The following AGO3 variants were observed in gnomAD, a reference collection of about 807,000 sequenced individuals.
AGO3 encodes argonaute RISC catalytic component 3.
Under a neutral mutation model 105.5 loss-of-function variants are expected in AGO3, and 16 were observed. That is an observed-to-expected ratio of 0.15 (90% CI 0.10 to 0.23). The LOEUF (loss-of-function observed/expected upper bound fraction) is 0.23. AGO3 is among the 10% of genes least tolerant of loss of function. AGO3 has a pLI of 1.00. For missense variants in AGO3, 534 were observed against 1,088.0 expected, an observed-to-expected ratio of 0.49 and a Z score of 7.16; for synonymous variants, 340 against 367.3, an observed-to-expected ratio of 0.93 and a Z score of 0.85.
Position 36,070,525 on chromosome 1 carries a change from T to C in AGO3, c.*14780T>C, listed in dbSNP as rs566757056. The stretch of plus-strand genomic sequence containing the variant: ...ACTGCAGGGAGTGTAAACAATTCTT[T>C]GTTGCAACAGACAAGATTTTTTTTA... On this transcript the variant is annotated 3_prime_UTR_variant, in exon 19 of 19. Transcript: ENST00000373191. The C allele has an allele frequency of 2.6e-5, 4 of 152,318 alleles. No homozygotes were observed. The highest frequency in any genetic ancestry group is 9.6e-5 in the African/African-American group (4 of 41,574). 9.4% of individuals were successfully genotyped at this position (152,318 alleles called of 1,614,324 possible).
Position 36,037,381 on chromosome 1 carries a change from C to T in AGO3, c.1842+1114C>T, listed in dbSNP as rs535560721. On this transcript the variant is annotated intron_variant, in intron 14 of 18. Coordinates refer to ENST00000373191, the MANE Select transcript of AGO3 (RefSeq NM_024852.4). Reference sequence around the variant, plus strand: ...TATAAAAAATACGAAATTAGCCTGTCGTGGTGGTGGGTGCCTTTAATTCCA... The same window carrying T: ...TATAAAAAATACGAAATTAGCCTGTTGTGGTGGTGGGTGCCTTTAATTCCA... 8.5e-5 allele frequency among the ~76,000 whole-genome samples: 13 copies of T among 152,078 alleles called. No individual in the cohort carries two copies. In the South Asian group the frequency reaches 1.0e-3, roughly 12 times the overall value.
At chr1:36,039,511 AAAAAAG>A (rs1642159873) in intron 14 of AGO3, among the ~76,000 whole-genome samples, 1 of 147,864 alleles carries the variant, frequency 6.8e-6, no homozygotes, top group East Asian at 1.9e-4. Flanking sequence ...AAAAAAAAAA[AAAAAAG>A]AGAGAAAGAG....
At chr1:36,025,486 C>A (rs960068852) in intron 11 of AGO3, among the ~76,000 whole-genome samples, 1 of 149,052 alleles carries the variant, frequency 6.7e-6, no homozygotes, top group African/African-American at 2.5e-5. Flanking sequence ...ATTTGTTATT[C>A]GCAGCTTGAA....
At chr1:35,980,716 T>C (rs561351003) in intron 5 of AGO3, among the ~76,000 whole-genome samples, 199 of 152,326 alleles carry the variant, frequency 1.3e-3, no homozygotes, top group African/African-American at 4.7e-3. Flanking sequence ...CAGCTTGATT[T>C]TATTTTTCTT....
rs954179432 is a variant in AGO3 at position 35,995,078 on chromosome 1, G to A, written c.659-9263G>A. ...TAGCCGGGCATGGTGGCGTGTGCCT[G>A]TGGTCCCGGCTACTCGGGAGGCTGA... is the stretch of plus-strand genomic sequence containing the variant. On this transcript the variant is annotated intron_variant, in intron 5 of 18. Transcript: ENST00000373191. 2.0e-5 allele frequency among the ~76,000 whole-genome samples: 3 copies of A among 151,630 alleles called. No individual in the cohort carries two copies. In the East Asian group the frequency reaches 5.8e-4, roughly 29 times the overall value.
chr1:35,958,996 A>G (rs1646626677), intron 2 of AGO3, among the ~76,000 whole-genome samples: 1 of 152,114 alleles, frequency 6.6e-6, no homozygotes, highest in African/African-American at 2.4e-5. Context: ...CTAGAATAAT[A>G]TTTTTCATTC....
chr1:35,960,100 T>C (rs1411228539), intron 2 of AGO3, among the ~76,000 whole-genome samples: 2 of 152,134 alleles, frequency 1.3e-5, no homozygotes, highest in African/African-American at 2.4e-5. Flanking sequence ...TAAAGGTTTC[T>C]CAGGTTGGTA....
chr1:36,038,408 G>A (rs1344557315), intron 14 of AGO3, among the ~76,000 whole-genome samples: 1 of 151,824 alleles, frequency 6.6e-6, no homozygotes, highest in Non-Finnish European at 1.5e-5. Context: ...GGTGCACGCT[G>A]ACACACCCGG....
chr1:36,013,230 C>T (rs1640709754), intron 9 of AGO3, among the ~76,000 whole-genome samples: 6 of 152,116 alleles, frequency 3.9e-5, no homozygotes, highest in Admixed American at 2.0e-4. Flanking sequence ...TGAGCCACCA[C>T]GCCCAGCCTA....
intron 3 of AGO3, among the ~76,000 whole-genome samples, chr1:35,967,729 T>C (rs1213457035): frequency 6.6e-6 from 1 of 152,202 alleles, no homozygotes; most frequent in Non-Finnish European, 1.5e-5. Flanking sequence ...TTTAATACTT[T>C]AATGTATATT....
intron 17 of AGO3, among the ~76,000 whole-genome samples, chr1:36,052,282 A>T (rs993664115): frequency 2.0e-5 from 3 of 152,234 alleles, no homozygotes; most frequent in African/African-American, 7.2e-5. Context: ...AGTCTGGAGG[A>T]CATTATGTTA....
At chr1:35,996,985 A>G (rs562949625) in intron 5 of AGO3, among the ~76,000 whole-genome samples, 2 of 152,298 alleles carry the variant, frequency 1.3e-5, no homozygotes, top group East Asian at 3.9e-4. Context: ...TACTTTGAAA[A>G]ATAGTTTGGC....
chr1:35,983,839 A>G (rs1647106583), intron 5 of AGO3, among the ~76,000 whole-genome samples: 2 of 152,200 alleles, frequency 1.3e-5, no homozygotes, highest in Non-Finnish European at 2.9e-5. Flanking sequence ...TACACCATGT[A>G]TCAATGTTAA....
chr1:35,997,449 T>G (rs1639881267), intron 5 of AGO3, among the ~76,000 whole-genome samples: 1 of 152,198 alleles, frequency 6.6e-6, no homozygotes, highest in African/African-American at 2.4e-5. Flanking sequence ...CTCAAAATGT[T>G]GTGCAGCAGC....
intron 6 of AGO3, among the ~76,000 whole-genome samples, chr1:36,007,016 TA>T (rs1013013395): frequency 2.0e-5 from 3 of 152,220 alleles, no homozygotes; most frequent in Non-Finnish European, 4.4e-5. Context: ...TTTGTTGGGA[TA>T]GGGGTAGGGC....
rs1415440798 is a variant in AGO3, at chr1:36,057,179, G to A, written c.*1434G>A. On this transcript the variant is annotated 3_prime_UTR_variant, in exon 19 of 19. Transcript: ENST00000373191. Reference sequence around the variant, plus strand: ...GGGTTATACATGGAAATTCTTTAAAGGTTTTATAAAGGGTAAATATTTTAA... The same window carrying A: ...GGGTTATACATGGAAATTCTTTAAAAGTTTTATAAAGGGTAAATATTTTAA... The A allele has an allele frequency of 1.3e-5, 2 of 152,114 alleles. No homozygotes were observed. The highest frequency in any genetic ancestry group is 2.9e-5 in the Non-Finnish European group (2 of 68,016). 9.4% of individuals were successfully genotyped at this position (152,114 alleles called of 1,614,324 possible).
rs141815619 is a variant in AGO3, at chr1:35,948,520, C to G, written c.191+2657C>G. Among the ~76,000 whole-genome samples the G allele has an allele frequency of 6.6e-3, 997 of 151,026 alleles. 8 individuals are homozygous for G. Among genetic ancestry groups the G allele is most frequent in the African/African-American group, 0.023 (945 of 41,084 alleles). On this transcript the variant is annotated intron_variant, in intron 2 of 18. Coordinates refer to ENST00000373191, the MANE Select transcript of AGO3 (RefSeq NM_024852.4). ...GTGCTGGGATTACAGGCGTGAGCCA[C>G]TGTGCCCGGCCGGAACAGAATTGTT...
At position 36,027,278 on chromosome 1, in the gene AGO3, C is replaced by T. The variant is rs1347922877; in HGVS notation, c.1571C>T (p.Pro524Leu). 8 of 1,612,966 alleles carry T rather than the reference C, an allele frequency of 5.0e-6. No homozygotes were observed. Among genetic ancestry groups the T allele is most frequent in the Non-Finnish European group, 6.8e-6 (8 of 1,179,316 alleles). ...SGLQLIIVIL[P>L]GKTPVYAEVK... ...CTACAGCTTATTATCGTCATCCTGCCGGGGAAGACACCAGTGTATGGTAAG... is the reference window on the plus strand; with the variant it reads ...CTACAGCTTATTATCGTCATCCTGCTGGGGAAGACACCAGTGTATGGTAAG... The change falls in exon 12 of 19, where the codon CCG becomes CTG. Residue 524 changes from proline (P) to leucine (L), a missense_variant. Coordinates refer to ENST00000373191, the MANE Select transcript of AGO3 (RefSeq NM_024852.4). The surrounding 1 kb of genome is among the most constrained non-coding windows in gnomAD (Gnocchi z 4.0).
At chr1:36,037,031 AACAT>A (rs1313327513) in intron 14 of AGO3, among the ~76,000 whole-genome samples, 18 of 151,510 alleles carry the variant, frequency 1.2e-4, no homozygotes, top group African/African-American at 4.2e-4. Flanking sequence ...TCCTGTTTTT[AACAT>A]CTGCCTGTTA....
Sources: allele counts gnomAD v4.1 joint callset (sites outside exome capture counted in the v4.1 genomes callset), GRCh38; gene constraint gnomAD v4.1.1; non-coding constraint Gnocchi (gnomAD v3.1); transcripts MANE v1.5; gene names NCBI Gene and HGNC (gene_info 2026-07-23, HGNC 2026-07-21).